Variants in ABLIM3 observed in about 807,000 individuals in gnomAD.
ABLIM3 encodes the protein actin-binding LIM protein 3.
A neutral mutation model predicts 109.5 loss-of-function variants in ABLIM3; 61 were observed. The observed-to-expected ratio is 0.56, with a 90% CI of 0.45 to 0.69. The LOEUF is 0.69. ABLIM3 is among the 30% of genes least tolerant of loss of function. ABLIM3 has a pLI of 0.00. For synonymous variants in ABLIM3, 300 were observed against 324.8 expected (o/e 0.92, Z 0.82); for missense variants, 796 against 889.5 (o/e 0.89, Z 1.34).
intron 8 of ABLIM3, among the ~76,000 whole-genome samples, chr5:149,230,165 C>T (rs2918266): frequency 0.5 from 75,468 of 151,984 alleles, 19,403 homozygotes; most frequent in East Asian, 0.62. Context: ...CATGCACTCA[C>T]CTCTTCACCC....
chr5:149,184,626 CAAGGTCTAGCAAATACA>C (rs1277143581), intron 3 of ABLIM3, among the ~76,000 whole-genome samples: 1 of 152,164 alleles, frequency 6.6e-6, no homozygotes, highest in East Asian at 1.9e-4. Flanking sequence ...TCACAGTTTT[CAAGGTCTAGCAAATACA>C]AAGGACTACA....
intron 14 of ABLIM3, 105 bp downstream of exon 14, chr5:149,240,879 C>T (rs1752753085): frequency 1.9e-6 from 2 of 1,040,194 alleles, no homozygotes; most frequent in South Asian, 2.7e-5. Flanking sequence ...GAAGCTGGTT[C>T]CTGAGGGACC....
rs745979758 is a variant in ABLIM3 at position 149,237,535 on chromosome 5, C to T, written c.976C>T (p.Leu326Phe). Residue 326 changes from leucine (L) to phenylalanine (F), a missense_variant, in exon 11 of 24, where the codon CTC (leucine) becomes TTC (phenylalanine). Transcript: ENST00000309868. ...TATCTACGAGGTACAACGCCCCGACCTCATTTCCTATGAGCCTCATTCCAG... is the reference window on the plus strand; with the variant it reads ...TATCTACGAGGTACAACGCCCCGACTTCATTTCCTATGAGCCTCATTCCAG... The part of the protein sequence containing the change: ...KSIYEVQRPD[L>F]ISYEPHSRYM... 3.7e-6 allele frequency: 6 copies of T among 1,614,214 alleles called. No individual in the cohort carries two copies. In the Admixed American group the frequency reaches 1.0e-4, roughly 27 times the overall value.
chr5:149,254,522 AG>A (rs1754257191), intron 23 of ABLIM3, among the ~76,000 whole-genome samples: 1 of 152,176 alleles, frequency 6.6e-6, no homozygotes, highest in Middle Eastern at 3.2e-3. Flanking sequence ...CCTCAGGAAA[AG>A]CATATGAGCT....
chr5:149,237,647 A>G (rs781532306), intron 11 of ABLIM3, 44 bp downstream of exon 11: 1 of 1,609,580 alleles, frequency 6.2e-7, no homozygotes, highest in Non-Finnish European at 8.5e-7. Context: ...GTAGGAAAGG[A>G]GATTGCTCTG....
intron 17 of ABLIM3, chr5:149,247,497 T>G: frequency 1.7e-6 from 1 of 575,464 alleles, no homozygotes; most frequent in Non-Finnish European, 3.2e-6. Context: ...ATCTGCCCAT[T>G]GTTGAATCAA....
At chr5:149,181,671 T>C (rs1471111646) in intron 2 of ABLIM3, among the ~76,000 whole-genome samples, 1 of 152,226 alleles carries the variant, frequency 6.6e-6, no homozygotes, top group East Asian at 1.9e-4. Flanking sequence ...GATTTCCTGT[T>C]CCTCTTTAAA....
At chr5:149,202,507 G>T (rs765269814) in intron 5 of ABLIM3, among the ~76,000 whole-genome samples, 3 of 152,220 alleles carry the variant, frequency 2.0e-5, no homozygotes, top group Non-Finnish European at 4.4e-5. Flanking sequence ...CTCCTGACTA[G>T]ATGGGGTGTT....
intron 13 of ABLIM3, chr5:149,240,401 A>G: frequency 1.9e-6 from 1 of 513,082 alleles, no homozygotes; most frequent in Non-Finnish European, 3.5e-6. Flanking sequence ...GGTTCAAACT[A>G]ACATGCCTTC....
Position 149,258,594 on chromosome 5 carries a change from T to C in ABLIM3, c.*190T>C. The C allele has an allele frequency of 7.4e-7, 1 of 1,351,872 alleles. No individual in the cohort carries two copies. The highest frequency in any genetic ancestry group is 9.5e-7 in the Non-Finnish European group (1 of 1,056,320). 83.7% of individuals were successfully genotyped at this position (1,351,872 alleles called of 1,614,324 possible). ...TCCTTACTTTCTCTTTTCTAAGTGC[T>C]GTGGGATCTGGGAAGGGATTTGAGG... On this transcript the variant is annotated 3_prime_UTR_variant, in exon 24 of 24. Transcript: ENST00000309868.
chr5:149,173,356 G>A (rs1001741512), intron 2 of ABLIM3, among the ~76,000 whole-genome samples: 17 of 152,196 alleles, frequency 1.1e-4, no homozygotes, highest in Non-Finnish European at 1.0e-4. Context: ...TGCTTGCAAC[G>A]GCTTCAGGAA....
chr5:149,189,803 C>A (rs1419457607), intron 3 of ABLIM3, among the ~76,000 whole-genome samples: 3 of 152,164 alleles, frequency 2.0e-5, no homozygotes, highest in Non-Finnish European at 4.4e-5. Flanking sequence ...TCTGGCAGTT[C>A]CTCAAAAGAT....
chr5:149,242,505 A>G lies in ABLIM3; in HGVS notation c.1318A>G (p.Ile440Val), dbSNP rs1752954754. 2 of 1,613,744 alleles carry G rather than the reference A, an allele frequency of 1.2e-6. No individual in the cohort carries two copies. The highest frequency in any genetic ancestry group is 4.5e-5 in the East Asian group (2 of 44,876). The change falls in exon 15 of 24, where the codon ATC (isoleucine) becomes GTC (valine). Residue 440 changes from isoleucine to valine, a missense_variant. By Grantham distance (29) the Ile-to-Val change is conservative. Transcript: ENST00000309868. ...HFHIPAGDSN[I>V]YRKPPIYKRH... ...CTGTCTGGCAGCTGGAGACAGTAACATCTACCGGAAACCCCCGATCTACAA... is the reference window on the plus strand; with the variant it reads ...CTGTCTGGCAGCTGGAGACAGTAACGTCTACCGGAAACCCCCGATCTACAA...
chr5:149,198,341 G>C lies in ABLIM3; in HGVS notation c.274G>C (p.Glu92Gln), dbSNP rs769545470. The C allele has an allele frequency of 2.5e-6, 4 of 1,614,054 alleles. No individual in the cohort carries two copies. Among genetic ancestry groups the C allele is most frequent in the Non-Finnish European group, 3.4e-6 (4 of 1,180,018 alleles). Residue 92 changes from glutamate (E) to glutamine (Q), a missense_variant, in exon 4 of 24, where the codon GAA (glutamate) becomes CAA (glutamine). Transcript: ENST00000309868. This position sits in a 1 kb window ranked among gnomAD's most constrained non-coding sequence, Gnocchi z 4.2. ...CDSCRDFITG[E>Q]VISALGRTYH... Reference sequence around the variant, plus strand: ...CAGCTGCCGGGACTTCATCACAGGCGAAGTCATCTCGGCCCTGGGCCGCAC... The same window carrying C: ...CAGCTGCCGGGACTTCATCACAGGCCAAGTCATCTCGGCCCTGGGCCGCAC...
intron 2 of ABLIM3, among the ~76,000 whole-genome samples, chr5:149,151,957 A>G (rs1274676951): frequency 6.6e-6 from 1 of 152,266 alleles, no homozygotes; most frequent in Non-Finnish European, 1.5e-5. Flanking sequence ...CATGGGTCAC[A>G]CAGCTGGGCA....
At position 149,240,773 on chromosome 5, in the gene ABLIM3, AG is replaced by A. The variant is rs1355974163; in HGVS notation, c.1303+1del. 6.2e-7 allele frequency: 1 copy of A among 1,613,820 alleles called. No individual in the cohort carries two copies. The highest frequency in any genetic ancestry group is 1.1e-5 in the South Asian group (1 of 91,074). The part of the protein sequence containing the change: ...YQAPKHFHIP[A>X]GDSNIYRKPP... ...AGGCTCCCAAGCACTTTCACATCCC[AG>A]GTAGGCACTGCCAGCCCAGAATTCC... On this transcript the variant is annotated frameshift_variant and splice_region_variant, in exon 14 of 24. Transcript: ENST00000309868. LOFTEE classifies it high-confidence loss of function.
intron 2 of ABLIM3, among the ~76,000 whole-genome samples, chr5:149,151,782 T>C (rs541915144): frequency 1.3e-5 from 2 of 152,228 alleles, no homozygotes; most frequent in Non-Finnish European, 2.9e-5. Flanking sequence ...AAGTTAGTCA[T>C]GACATTCGTT....
chr5:149,175,972 G>C (rs902635985), intron 2 of ABLIM3, among the ~76,000 whole-genome samples: 1 of 152,218 alleles, frequency 6.6e-6, no homozygotes. Flanking sequence ...AAGCTGCGGA[G>C]GAGTTTCTGT....
intron 2 of ABLIM3, among the ~76,000 whole-genome samples, chr5:149,175,307 G>T (rs180804293): frequency 6.6e-6 from 1 of 152,292 alleles, no homozygotes; most frequent in Non-Finnish European, 1.5e-5. Context: ...GCCTCAGACT[G>T]GGATGGGCAG....
Sources: gnomAD v4.1 joint callset for allele counts (sites outside exome capture counted in the v4.1 genomes callset) on GRCh38, gnomAD v4.1.1 for gene constraint, Gnocchi (gnomAD v3.1) non-coding constraint, MANE v1.5 for transcripts, NCBI Gene and HGNC (gene_info 2026-07-23, HGNC 2026-07-21) for gene names.